The following PRKAG1 variants were observed in gnomAD, a reference collection of about 807,000 sequenced individuals.
PRKAG1 encodes the protein 5'-AMP-activated protein kinase subunit gamma-1.
Under a neutral mutation model 48.2 loss-of-function variants are expected in PRKAG1, and 27 were observed. The ratio of observed to expected loss-of-function variants is 0.56; its 90% CI spans 0.41 to 0.77. The LOEUF (loss-of-function observed/expected upper bound fraction) is 0.77, where lower values mean the gene tolerates loss of function less well. PRKAG1 is among the 30% of genes least tolerant of loss of function. The pLI, the probability that PRKAG1 is intolerant of heterozygous loss-of-function variation, is 0.00. For synonymous variants in PRKAG1, 130 were observed against 147.7 expected, an observed-to-expected ratio of 0.88 and a Z score of 0.87; for missense variants, 287 against 398.3, an observed-to-expected ratio of 0.72 and a Z score of 2.38.
At chr12:49,018,133 G>C (rs1391350292) in intron 1 of PRKAG1, 1 of 152,968 alleles carries the variant, frequency 6.5e-6, no homozygotes, top group Non-Finnish European at 1.5e-5. Context: ...CCTGCTTAGA[G>C]TCGCAGAGCG....
chr12:49,003,074 T>C, intron 11 of PRKAG1, 68 bp from the exon 12 acceptor site: 4 of 1,613,212 alleles, frequency 2.5e-6, no homozygotes, highest in Non-Finnish European at 2.5e-6. Context: ...CCTCTGCCCC[T>C]ACTCTCCTTG....
chr12:49,015,005 A>G (rs1456192199), intron 1 of PRKAG1, among the ~76,000 whole-genome samples: 1 of 152,182 alleles, frequency 6.6e-6, no homozygotes, highest in African/African-American at 2.4e-5. Context: ...TTGGCTGACA[A>G]ACTTCCTAAA....
chr12:49,004,048 G>T, intron 8 of PRKAG1, 126 bp from the exon 9 acceptor site: 1 of 1,280,812 alleles, frequency 7.8e-7, no homozygotes, highest in Non-Finnish European at 1.1e-6. Flanking sequence ...CCAGCACTTT[G>T]GGAGGCTGAG....
chr12:49,017,470 C>CTTTTT, intron 1 of PRKAG1: 1 of 301,814 alleles, frequency 3.3e-6, no homozygotes, highest in South Asian at 2.6e-5. Context: ...CCTTGGCCTC[C>CTTTTT]CAAAGTACTG....
intron 1 of PRKAG1, among the ~76,000 whole-genome samples, chr12:49,015,864 C>T (rs1041520634): frequency 6.6e-6 from 1 of 152,124 alleles, no homozygotes; most frequent in Non-Finnish European, 1.5e-5. Context: ...GTATGCGCCA[C>T]CGAGCCTGGC....
intron 2 of PRKAG1, among the ~76,000 whole-genome samples, chr12:49,008,956 T>C (rs901134629): frequency 1.1e-4 from 16 of 152,196 alleles, no homozygotes; most frequent in African/African-American, 3.4e-4. Flanking sequence ...TGAAAACTAA[T>C]GTCCTCAAGT....
intron 2 of PRKAG1, chr12:49,012,710 G>T: frequency 4.2e-6 from 1 of 235,594 alleles, no homozygotes; most frequent in East Asian, 1.2e-4. Context: ...AGTGGCTTTA[G>T]TGAGCTTGCT....
chr12:49,002,701 A>G lies in PRKAG1; in HGVS notation c.*198T>C, dbSNP rs1941337639. 2 of 684,990 alleles carry G rather than the reference A, an allele frequency of 2.9e-6. No homozygotes were observed. Among genetic ancestry groups the G allele is most frequent in the Non-Finnish European group, 5.3e-6 (2 of 378,822 alleles). 42.4% of individuals were successfully genotyped at this position (684,990 alleles called of 1,614,324 possible). A position where few individuals can be genotyped will look rare whatever the true frequency, so the allele number is the denominator to read the frequency against. Reference sequence around the variant, plus strand: ...CTAGGCTGAAAGTTTTTTCAAGTGTATGTGTGAGGGTAAGGGTAGCTATAA... The same window carrying G: ...CTAGGCTGAAAGTTTTTTCAAGTGTGTGTGTGAGGGTAAGGGTAGCTATAA... On this transcript the variant is annotated 3_prime_UTR_variant, in exon 12 of 12. Coordinates refer to ENST00000548065, the MANE Select transcript of PRKAG1 (RefSeq NM_002733.5).
intron 2 of PRKAG1, among the ~76,000 whole-genome samples, chr12:49,010,173 C>CT (rs1941700293): frequency 6.6e-6 from 1 of 152,040 alleles, no homozygotes; most frequent in Admixed American, 6.6e-5. Flanking sequence ...GTTTGGATCA[C>CT]TTTTTTTCAC....
intron 7 of PRKAG1, 163 bp from the exon 8 acceptor site, chr12:49,004,796 T>TGAGA: frequency 1.8e-6 from 2 of 1,121,730 alleles, no homozygotes; most frequent in Non-Finnish European, 2.5e-6. Context: ...AGAGTGAGAA[T>TGAGA]GAGAGAGAGA....
chr12:49,004,742 G>A, intron 7 of PRKAG1, 109 bp from the exon 8 acceptor site: 2 of 1,523,500 alleles, frequency 1.3e-6, no homozygotes, highest in East Asian at 4.5e-5. Flanking sequence ...TAGGGAAGGG[G>A]GGCAGTGTAC....
chr12:49,010,704 T>C (rs1363286897), intron 2 of PRKAG1, among the ~76,000 whole-genome samples: 2 of 152,168 alleles, frequency 1.3e-5, no homozygotes, highest in African/African-American at 2.4e-5. Context: ...CATCACTCTT[T>C]TGTCTGCTTT....
intron 2 of PRKAG1, among the ~76,000 whole-genome samples, chr12:49,011,297 C>A (rs1941749894): frequency 6.6e-6 from 1 of 152,188 alleles, no homozygotes; most frequent in Admixed American, 6.5e-5. Flanking sequence ...GGCCCATAAA[C>A]ATATTGGATT....
intron 2 of PRKAG1, among the ~76,000 whole-genome samples, chr12:49,007,884 G>A (rs1241133125): frequency 2.7e-5 from 4 of 149,640 alleles, no homozygotes; most frequent in Non-Finnish European, 5.9e-5. Context: ...TTTTGAGAGG[G>A]AGTCTTGCTC....
At chr12:49,018,377 A>G in intron 1 of PRKAG1, 1 of 1,059,506 alleles carries the variant, frequency 9.4e-7, no homozygotes, top group Non-Finnish European at 1.2e-6. Context: ...CTCACCCAGC[A>G]AAGCCGGCTC....
Position 49,002,850 on chromosome 12 carries a change from G to T in PRKAG1, c.*49C>A. On this transcript the variant is annotated 3_prime_UTR_variant, in exon 12 of 12. Transcript: ENST00000548065. ...CTGATTCCCACAGAGCTTCCAGCAGGCAGTGAGTTGGGCATATCCCCTGGT... is the reference window on the plus strand; with the variant it reads ...CTGATTCCCACAGAGCTTCCAGCAGTCAGTGAGTTGGGCATATCCCCTGGT... The T allele has an allele frequency of 1.3e-6, 2 of 1,514,976 alleles. No individual in the cohort carries two copies. Among genetic ancestry groups the T allele is most frequent in the Non-Finnish European group, 1.8e-6 (2 of 1,094,292 alleles). 93.8% of individuals were successfully genotyped at this position (1,514,976 alleles called of 1,614,324 possible). A position where few individuals can be genotyped will look rare whatever the true frequency, so the allele number is the denominator to read the frequency against.
At chr12:49,015,340 G>C (rs1215903038) in intron 1 of PRKAG1, among the ~76,000 whole-genome samples, 1 of 152,188 alleles carries the variant, frequency 6.6e-6, no homozygotes, top group Non-Finnish European at 1.5e-5. Context: ...TATCCAAACA[G>C]ATTATAAATT....
At position 49,018,754 on chromosome 12, in the gene PRKAG1, C is replaced by A; in HGVS notation, c.-14G>T. ...CACCGTCTCCATTGCAAGAGGCGCC[C>A]GGCTTGGTTTCCTCGCTTTAGGAAA... On this transcript the variant is annotated 5_prime_UTR_variant, in exon 1 of 12. Coordinates refer to ENST00000548065, the MANE Select transcript of PRKAG1 (RefSeq NM_002733.5). 6.2e-7 allele frequency: 1 copy of A among 1,612,710 alleles called. No individual in the cohort carries two copies. The highest frequency in any genetic ancestry group is 8.5e-7 in the Non-Finnish European group (1 of 1,179,982).
Position 49,013,098 on chromosome 12 carries a change from C to T in PRKAG1, c.22G>A (p.Asp8Asn), listed in dbSNP as rs771055765. ...TCATTTTCCACAGCTGGGGAGCTAT[C>T]TGAAGAAATGACCTGGAGAGATAAG... METVISS[D>N]SSPAVENEHP... The change falls in exon 2 of 12, where the codon GAT becomes AAT. Residue 8 changes from aspartate to asparagine, a missense_variant. Coordinates refer to ENST00000548065, the MANE Select transcript of PRKAG1 (RefSeq NM_002733.5). 1 of 1,613,812 alleles carries T rather than the reference C, an allele frequency of 6.2e-7. No homozygotes were observed. Among genetic ancestry groups the T allele is most frequent in the East Asian group, 2.2e-5 (1 of 44,888 alleles).
Sources: gnomAD v4.1 joint callset for allele counts (sites outside exome capture counted in the v4.1 genomes callset) on GRCh38, gnomAD v4.1.1 for gene constraint, MANE v1.5 for transcripts, NCBI Gene and HGNC (gene_info 2026-07-23, HGNC 2026-07-21) for gene names.